The following PDE4D variants were observed in gnomAD, a reference collection of about 807,000 sequenced individuals.
PDE4D encodes 3',5'-cyclic-AMP phosphodiesterase 4D.
PDE4D carries 24 observed loss-of-function variants against 87.4 expected under a neutral mutation model. The observed-to-expected ratio is 0.27, with a 90% CI of 0.20 to 0.39. The LOEUF (loss-of-function observed/expected upper bound fraction) is 0.39, where lower values mean the gene tolerates loss of function less well. Among genes scored for constraint, PDE4D ranks in the 10% least tolerant of loss-of-function variants. PDE4D has a pLI of 1.00. For synonymous variants in PDE4D, 384 were observed against 383.2 expected, an observed-to-expected ratio of 1.00 and a Z score of -0.02; for missense variants, 714 against 1,041.0, an observed-to-expected ratio of 0.69 and a Z score of 4.32.
intron 6 of PDE4D, among the ~76,000 whole-genome samples, chr5:59,030,437 A>C (rs1757161626): frequency 6.6e-6 from 1 of 150,870 alleles, no homozygotes; most frequent in East Asian, 1.9e-4. Context: ...AAAAAAAAAA[A>C]AAAAAAAAAC....
At chr5:60,193,665 G>A (rs1027949359) in intron 1 of PDE4D, among the ~76,000 whole-genome samples, 4 of 61,754 alleles carry the variant, frequency 6.5e-5, no homozygotes, top group African/African-American at 3.0e-4. Flanking sequence ...GCGAGACTCC[G>A]TCTCAAAAAA....
intron 1 of PDE4D, among the ~76,000 whole-genome samples, chr5:60,199,826 T>G (rs1302003249): frequency 6.6e-6 from 1 of 151,756 alleles, no homozygotes; most frequent in African/African-American, 2.4e-5. Context: ...AAGATATTGT[T>G]ACAGATTATC....
intron 6 of PDE4D, among the ~76,000 whole-genome samples, chr5:59,031,391 A>T (rs1335194420): frequency 1.2e-3 from 38 of 32,066 alleles, no homozygotes; most frequent in Middle Eastern, 0.022. Flanking sequence ...ATATATATAT[A>T]TTATATATAT....
In PDE4D at chr5:59,031,195, G is replaced by A. The variant is rs1757325367; in HGVS notation, c.921+7664C>T. ...AAGGTTCCTCAAAAATCTAAAAATA[G>A]AACTACCATAAAATCCAACAATCCT... On this transcript the variant is annotated intron_variant, in intron 6 of 14. Transcript: ENST00000340635. Among the ~76,000 whole-genome samples, 3 of 151,770 alleles carry A rather than the reference G, an allele frequency of 2.0e-5. No homozygotes were observed. In the South Asian group the frequency reaches 6.2e-4, roughly 32 times the overall value.
At chr5:60,201,647 A>G (rs1741926451) in intron 1 of PDE4D, among the ~76,000 whole-genome samples, 1 of 152,042 alleles carries the variant, frequency 6.6e-6, no homozygotes, top group African/African-American at 2.4e-5. Context: ...CATTTTTCCA[A>G]ACTTGCTTTA....
intron 3 of PDE4D, among the ~76,000 whole-genome samples, chr5:59,910,031 C>T (rs888347542): frequency 9.8e-5 from 15 of 152,324 alleles, no homozygotes; most frequent in South Asian, 2.1e-4. Context: ...ACTTCCAACT[C>T]GTTCAACTCC....
intron 1 of PDE4D, among the ~76,000 whole-genome samples, chr5:59,678,950 A>G (rs983914218): frequency 2.0e-5 from 3 of 152,216 alleles, no homozygotes; most frequent in Non-Finnish European, 4.4e-5. Flanking sequence ...CTCAAGTAAT[A>G]TATGTGTGCC....
chr5:60,114,978 A>ATGGATGGC (rs145654898), intron 2 of PDE4D, among the ~76,000 whole-genome samples: 47 of 149,326 alleles, frequency 3.1e-4, no homozygotes, highest in African/African-American at 7.1e-4. Flanking sequence ...GGATGGATGG[A>ATGGATGGC]TGGCTAGATA....
At chr5:60,447,571 C>A (rs1205959916) in intron 1 of PDE4D, among the ~76,000 whole-genome samples, 1 of 151,736 alleles carries the variant, frequency 6.6e-6, no homozygotes, top group Non-Finnish European at 1.5e-5. Flanking sequence ...AAACAAATAC[C>A]CACACAAATC....
At chr5:60,040,016 A>G (rs1768284965) in intron 2 of PDE4D, among the ~76,000 whole-genome samples, 1 of 152,146 alleles carries the variant, frequency 6.6e-6, no homozygotes, top group African/African-American at 2.4e-5. Flanking sequence ...TGCCCCATTC[A>G]CTCTATCAAA....
chr5:59,343,123 T>G (rs1199302387), intron 1 of PDE4D, among the ~76,000 whole-genome samples: 1 of 152,064 alleles, frequency 6.6e-6, no homozygotes, highest in Non-Finnish European at 1.5e-5. Context: ...CTCTCTGGTA[T>G]GCTCCTGTGT....
chr5:59,124,842 T>G (rs1459319436), intron 5 of PDE4D, among the ~76,000 whole-genome samples: 1 of 152,190 alleles, frequency 6.6e-6, no homozygotes, highest in Non-Finnish European at 1.5e-5. Flanking sequence ...GGTGGGGAAA[T>G]GCAACCTCCA....
intron 1 of PDE4D, among the ~76,000 whole-genome samples, chr5:59,548,405 C>T (rs1240996181): frequency 1.3e-5 from 2 of 152,102 alleles, no homozygotes; most frequent in African/African-American, 2.4e-5. Context: ...TCATTCATTC[C>T]TTCGCTCATT....
At chr5:60,262,146 T>C (rs1316227060) in intron 1 of PDE4D, among the ~76,000 whole-genome samples, 1 of 152,142 alleles carries the variant, frequency 6.6e-6, no homozygotes, top group African/African-American at 2.4e-5. Flanking sequence ...GCAATAACTA[T>C]GACTGAATTA....
At chr5:60,426,564 G>A (rs1259154146) in intron 1 of PDE4D, among the ~76,000 whole-genome samples, 1 of 152,144 alleles carries the variant, frequency 6.6e-6, no homozygotes, top group African/African-American at 2.4e-5. Context: ...ATAGCATTAG[G>A]AGAGATACCT....
intron 1 of PDE4D, among the ~76,000 whole-genome samples, chr5:59,480,683 T>C (rs1390253096): frequency 6.6e-6 from 1 of 152,192 alleles, no homozygotes; most frequent in South Asian, 2.1e-4. Flanking sequence ...ACATTTTTCT[T>C]AAATTACTTT....
At chr5:60,185,810 G>A in intron 1 of PDE4D, 1 of 383,378 alleles carries the variant, frequency 2.6e-6, no homozygotes, top group Non-Finnish European at 4.8e-6. Context: ...AAACGGTGCT[G>A]TGTTTAAAGC....
chr5:59,042,295 T>C (rs1759814869), intron 5 of PDE4D, among the ~76,000 whole-genome samples: 1 of 152,182 alleles, frequency 6.6e-6, no homozygotes, highest in Non-Finnish European at 1.5e-5. Flanking sequence ...TAACCCCAAG[T>C]GTTCTAAGAC....
At chr5:60,298,150 TA>T (rs5868233) in intron 1 of PDE4D, among the ~76,000 whole-genome samples, 4,761 of 141,564 alleles carry the variant, frequency 0.034, 209 homozygotes, top group African/African-American at 0.11. Context: ...ACCAGAAAAA[TA>T]AAAAAAAAAA....
Sources: allele counts gnomAD v4.1 joint callset (sites outside exome capture counted in the v4.1 genomes callset), GRCh38; gene constraint gnomAD v4.1.1; transcripts MANE v1.5; gene names NCBI Gene and HGNC (gene_info 2026-07-23, HGNC 2026-07-21).